Variants in RGS6 observed in about 807,000 individuals in gnomAD.
The protein encoded by RGS6 is regulator of G-protein signaling 6.
RGS6 carries 30 observed loss-of-function variants against 78.5 expected under a neutral mutation model. The ratio of observed to expected loss-of-function variants is 0.38; its 90% CI spans 0.29 to 0.52. The LOEUF (loss-of-function observed/expected upper bound fraction) is 0.52. Ranked by LOEUF, RGS6 falls within the 20% of genes least tolerant of loss-of-function variation. The probability of loss-of-function intolerance (pLI) is 0.85; values close to 1 mark genes in which losing one functional copy is unlikely to be tolerated. For missense variants in RGS6, 495 were observed against 609.7 expected (o/e 0.81, Z 1.98); for synonymous variants, 206 against 206.0 (o/e 1.00, Z 0.00).
intron 2 of RGS6, among the ~76,000 whole-genome samples, chr14:72,241,644 G>A (rs555049351): frequency 4.6e-5 from 7 of 152,210 alleles, no homozygotes; most frequent in African/African-American, 1.7e-4. Context: ...CTTTATTATT[G>A]GACATTTAAG....
chr14:72,046,950 ATT>A (rs2092896065), intron 2 of RGS6, among the ~76,000 whole-genome samples: 1 of 152,186 alleles, frequency 6.6e-6, no homozygotes, highest in Non-Finnish European at 1.5e-5. Context: ...TAACACCTTT[ATT>A]TACCTAGCCT....
At chr14:72,205,397 A>T (rs2153745747) in intron 2 of RGS6, among the ~76,000 whole-genome samples, 1 of 152,324 alleles carries the variant, frequency 6.6e-6, no homozygotes, top group Middle Eastern at 3.4e-3. Context: ...TGACTATGCA[A>T]CGTGCAAGCA....
chr14:72,513,247 A>G (rs1324882106), intron 14 of RGS6, among the ~76,000 whole-genome samples: 1 of 152,154 alleles, frequency 6.6e-6, no homozygotes, highest in Admixed American at 6.5e-5. Flanking sequence ...CTGAATTTCT[A>G]TCAGAGCTTC....
intron 6 of RGS6, among the ~76,000 whole-genome samples, chr14:72,462,668 T>G (rs915844777): frequency 6.6e-5 from 10 of 152,088 alleles, no homozygotes; most frequent in African/African-American, 2.4e-4. Flanking sequence ...TTTGAATGAG[T>G]GACTGAATGA....
At chr14:72,108,687 A>G (rs767072035) in intron 2 of RGS6, among the ~76,000 whole-genome samples, 1 of 151,838 alleles carries the variant, frequency 6.6e-6, no homozygotes, top group African/African-American at 2.4e-5. Flanking sequence ...TTCACTCTTA[A>G]GTTTCTTCTA....
chr14:72,616,623 C>G, the RGS6 span, among the ~76,000 whole-genome samples: 1 of 152,160 alleles, frequency 6.6e-6, no homozygotes, highest in Non-Finnish European at 1.5e-5. Flanking sequence ...ATAGGCAGGG[C>G]AAGTGTTACT....
At chr14:72,123,281 T>C (rs2096103258) in intron 2 of RGS6, among the ~76,000 whole-genome samples, 1 of 152,210 alleles carries the variant, frequency 6.6e-6, no homozygotes, top group Admixed American at 6.5e-5. Flanking sequence ...AACATATCCA[T>C]TTTTTCTTCA....
chr14:71,891,383 G>A, the RGS6 span, among the ~76,000 whole-genome samples: 1 of 152,318 alleles, frequency 6.6e-6, no homozygotes, highest in Non-Finnish European at 1.5e-5. Flanking sequence ...GCTGGCAGTT[G>A]ATGCTGGCTG....
chr14:72,009,797 C>G (rs2085308724), intron 2 of RGS6, among the ~76,000 whole-genome samples: 1 of 152,218 alleles, frequency 6.6e-6, no homozygotes, highest in Admixed American at 6.5e-5. Flanking sequence ...CCAGTCATTT[C>G]TCTCTTCCCA....
rs528454204 is a variant in RGS6 at position 72,193,328 on chromosome 14, G to T, written c.85-158767G>T. Among the ~76,000 whole-genome samples the T allele has an allele frequency of 3.9e-5, 6 of 152,292 alleles. No homozygotes were observed. In the South Asian group the frequency reaches 6.2e-4, roughly 16 times the overall value. ...TTACTTCTGCCTGAAACCCACTGGG[G>T]TGAAAGGACAGGCCTTGGAAATGTT... On this transcript the variant is annotated intron_variant, in intron 2 of 17. Transcript: ENST00000553525.
intron 3 of RGS6, among the ~76,000 whole-genome samples, chr14:72,388,556 T>C (rs2088994046): frequency 6.6e-6 from 1 of 152,180 alleles, no homozygotes; most frequent in Non-Finnish European, 1.5e-5. Flanking sequence ...GTCTGTGGTC[T>C]CAGGCAGGGA....
rs145619404 is a variant in RGS6, at chr14:72,052,132, T to C, written c.84+87257T>C. Among the ~76,000 whole-genome samples the C allele has an allele frequency of 3.5e-4, 54 of 152,132 alleles. No individual in the cohort carries two copies. In the East Asian group the frequency reaches 0.01, roughly 29 times the overall value. ...TTTCCAACTCTAGAGACTTGAAAAA[T>C]GTATTTGGAGTTACATCTAAGTCAG... On this transcript the variant is annotated intron_variant, in intron 2 of 17. Coordinates refer to ENST00000553525, the MANE Select transcript of RGS6 (RefSeq NM_001204424.2).
the RGS6 span, among the ~76,000 whole-genome samples, chr14:72,610,633 G>A: frequency 3.9e-5 from 6 of 152,224 alleles, no homozygotes; most frequent in African/African-American, 1.4e-4. Context: ...TGAATCGACC[G>A]TGTGACGTAG....
the RGS6 span, among the ~76,000 whole-genome samples, chr14:71,910,741 G>A: frequency 3.3e-5 from 5 of 152,300 alleles, no homozygotes; most frequent in South Asian, 1.0e-3. Context: ...AGGAATGAGA[G>A]AGTGTGGGAT....
intron 1 of RGS6, among the ~76,000 whole-genome samples, chr14:71,962,936 A>G (rs929638847): frequency 2.6e-5 from 4 of 152,184 alleles, no homozygotes; most frequent in Non-Finnish European, 5.9e-5. Context: ...TATGGTATTT[A>G]TAAGAGTTTC....
chr14:72,374,024 A>G (rs1177476094), intron 3 of RGS6, among the ~76,000 whole-genome samples: 1 of 152,214 alleles, frequency 6.6e-6, no homozygotes, highest in Non-Finnish European at 1.5e-5. Context: ...ATATTTTTAA[A>G]AAGGCTATCC....
intron 2 of RGS6, among the ~76,000 whole-genome samples, chr14:72,251,832 A>T (rs560718302): frequency 6.6e-5 from 10 of 152,310 alleles, no homozygotes; most frequent in Admixed American, 6.5e-4. Context: ...CATGTAACAG[A>T]TCTGCACATG....
intron 12 of RGS6, among the ~76,000 whole-genome samples, chr14:72,487,844 C>T (rs1354933419): frequency 6.6e-6 from 1 of 150,502 alleles, no homozygotes; most frequent in Admixed American, 6.7e-5. Context: ...TCTGTTCCAG[C>T]AGCCCTTAGA....
chr14:71,967,477 G>A (rs182632564), intron 2 of RGS6, among the ~76,000 whole-genome samples: 1 of 152,272 alleles, frequency 6.6e-6, no homozygotes, highest in East Asian at 1.9e-4. Context: ...TCATCAGTAA[G>A]GGTTGGATTG....
Sources: gnomAD v4.1 joint callset for allele counts (sites outside exome capture counted in the v4.1 genomes callset) on GRCh38, gnomAD v4.1.1 for gene constraint, MANE v1.5 for transcripts, NCBI Gene and HGNC (gene_info 2026-07-23, HGNC 2026-07-21) for gene names.